The following DNMT3L variants were observed in gnomAD, a reference collection of about 807,000 sequenced individuals.
DNMT3L encodes the protein DNA (cytosine-5)-methyltransferase 3-like.
In DNMT3L, 33 loss-of-function variants were observed where a neutral mutation model predicts 36.2. That is an observed-to-expected ratio of 0.91 (90% CI 0.69 to 1.22). The LOEUF (loss-of-function observed/expected upper bound fraction) is 1.22, where lower values mean the gene tolerates loss of function less well. Among genes scored for constraint, DNMT3L ranks in the 50% most tolerant of loss-of-function variants. The probability of loss-of-function intolerance (pLI) is 0.00; values close to 1 mark genes in which losing one functional copy is unlikely to be tolerated. For missense variants in DNMT3L, 310 were observed against 303.1 expected (o/e 1.02, Z -0.17); for synonymous variants, 117 against 121.7 (o/e 0.96, Z 0.26).
In DNMT3L at chr21:44,254,878, C is replaced by T. The variant is rs539089546; in HGVS notation, c.605-173G>A. Among the ~76,000 whole-genome samples the T allele has an allele frequency of 6.6e-5, 10 of 152,222 alleles. 2 individuals are homozygous for T. The highest frequency in any genetic ancestry group is 6.8e-3 in the Middle Eastern group (2 of 294). ...TCTCCCTCTGTCGCCCAGGCTGGAG[C>T]GCAGTGGCGTGATCTTGGCTCACTG... On this transcript the variant is annotated intron_variant, in intron 7 of 11. Transcript: ENST00000628202.
chr21:44,255,505 C>CAA (rs375122043), intron 7 of DNMT3L, among the ~76,000 whole-genome samples: 71,685 of 145,648 alleles, frequency 0.49, 18,853 homozygotes, highest in African/African-American at 0.69. Flanking sequence ...GACTCCGCCT[C>CAA]AAAAAAAAAA....
chr21:44,257,085 AAC>A (rs1276556042), intron 6 of DNMT3L, among the ~76,000 whole-genome samples: 1 of 152,300 alleles, frequency 6.6e-6, no homozygotes, highest in Non-Finnish European at 1.5e-5. Flanking sequence ...TGCAAATTAA[AAC>A]AGACTGGAGG....
intron 8 of DNMT3L, 68 bp downstream of exon 8, chr21:44,254,549 C>A: frequency 1.3e-6 from 2 of 1,560,158 alleles, no homozygotes; most frequent in Admixed American, 1.8e-5. Context: ...TCATCCTTGG[C>A]ATTTCCTCTG....
chr21:44,254,609 G>C lies in DNMT3L; in HGVS notation c.693+8C>G. 1 of 1,613,560 alleles carries C rather than the reference G, an allele frequency of 6.2e-7. No individual in the cohort carries two copies. Among genetic ancestry groups the C allele is most frequent in the Non-Finnish European group, 8.5e-7 (1 of 1,179,754 alleles). On this transcript the variant is annotated splice_region_variant and intron_variant, in intron 8 of 11. Coordinates refer to ENST00000628202, the MANE Select transcript of DNMT3L (RefSeq NM_175867.3). ...CTACAGTGTCTGAGAGTTCACGGCGGTACTCACATCCTTCCTCACTGTGTC... is the reference window on the plus strand; with the variant it reads ...CTACAGTGTCTGAGAGTTCACGGCGCTACTCACATCCTTCCTCACTGTGTC...
At chr21:44,253,693 T>A (rs2040236340) in intron 8 of DNMT3L, among the ~76,000 whole-genome samples, 1 of 152,138 alleles carries the variant, frequency 6.6e-6, no homozygotes, top group South Asian at 2.1e-4. Context: ...CACTCTAGCC[T>A]GGGCAACAGA....
At chr21:44,253,625 A>C (rs1200279440) in intron 8 of DNMT3L, among the ~76,000 whole-genome samples, 1 of 152,198 alleles carries the variant, frequency 6.6e-6, no homozygotes, top group Non-Finnish European at 1.5e-5. Context: ...AGGCTGAGGC[A>C]GGAGACTCGC....
intron 2 of DNMT3L, 134 bp from the exon 3 acceptor site, chr21:44,260,973 C>T (rs2040312281): frequency 1.4e-6 from 2 of 1,448,034 alleles, no homozygotes; most frequent in Admixed American, 1.7e-5. Flanking sequence ...CCCGCCCTCA[C>T]ACCTTATCTT....
intron 8 of DNMT3L, among the ~76,000 whole-genome samples, chr21:44,254,077 G>T (rs2040239045): frequency 6.6e-6 from 1 of 152,202 alleles, no homozygotes; most frequent in African/African-American, 2.4e-5. Context: ...TCTCACAGTG[G>T]CATGGGAAGG....
At chr21:44,255,378 G>A (rs1819176582) in intron 7 of DNMT3L, among the ~76,000 whole-genome samples, 1 of 151,960 alleles carries the variant, frequency 6.6e-6, no homozygotes, top group African/African-American at 2.4e-5. Context: ...AAAATTAGCT[G>A]GGCGTGGTGG....
At chr21:44,256,699 C>A (rs746753727) in intron 6 of DNMT3L, among the ~76,000 whole-genome samples, 3 of 152,028 alleles carry the variant, frequency 2.0e-5, no homozygotes, top group Non-Finnish European at 4.4e-5. Flanking sequence ...CCAGAGATGC[C>A]GGGGAGAGGT....
intron 8 of DNMT3L, 113 bp downstream of exon 8, chr21:44,254,504 T>G: frequency 8.2e-7 from 1 of 1,215,698 alleles, no homozygotes; most frequent in Non-Finnish European, 1.2e-6. Flanking sequence ...TGTTCAGGAC[T>G]CCTCCCAGCC....
In DNMT3L at chr21:44,256,146, G is replaced by A. The variant is rs2040257349; in HGVS notation, c.525C>T (p.Pro175=). ...CAGGCACGGTTTCGAACATCTCAAG[G>A]GGATTCTCCTATTTATTAAAAAACC... ...KAFYDRESEN[P]LEMFETVPVW... Residue 175 remains proline, a synonymous_variant, in exon 7 of 12, where the codon CCC becomes CCT. Coordinates refer to ENST00000628202, the MANE Select transcript of DNMT3L (RefSeq NM_175867.3). The A allele has an allele frequency of 1.2e-6, 2 of 1,613,840 alleles. No individual in the cohort carries two copies. Among genetic ancestry groups the A allele is most frequent in the African/African-American group, 2.7e-5 (2 of 75,026 alleles).
intron 2 of DNMT3L, 79 bp downstream of exon 2, chr21:44,261,075 A>C: frequency 1.3e-6 from 2 of 1,547,882 alleles, no homozygotes; most frequent in Non-Finnish European, 8.9e-7. Flanking sequence ...AATACTCCAG[A>C]AGCCTGGAAC....
chr21:44,261,418 A>G (rs1181412777), intron 1 of DNMT3L, among the ~76,000 whole-genome samples, 152 bp from the exon 2 acceptor site: 1 of 152,140 alleles, frequency 6.6e-6, no homozygotes, highest in African/African-American at 2.4e-5. Flanking sequence ...TGCCCAACCC[A>G]GGGATGAGGG....
At position 44,258,213 on chromosome 21, in the gene DNMT3L, C is replaced by A. The variant is rs1402446165; in HGVS notation, c.516+310G>T. ...CCCAAAACGGCCCACACCTGGCCAGCAGAAGCCCAGGCACTTGCTCCTGAG... is the reference window on the plus strand; with the variant it reads ...CCCAAAACGGCCCACACCTGGCCAGAAGAAGCCCAGGCACTTGCTCCTGAG... On this transcript the variant is annotated intron_variant, in intron 6 of 11. Transcript: ENST00000628202. This position sits in a 1 kb window ranked among gnomAD's most constrained non-coding sequence, Gnocchi z 6.2. Among the ~76,000 whole-genome samples, 1 of 152,124 alleles carries A rather than the reference C, an allele frequency of 6.6e-6. No individual in the cohort carries two copies. The highest frequency in any genetic ancestry group is 1.5e-5 in the Non-Finnish European group (1 of 68,012).
intron 6 of DNMT3L, among the ~76,000 whole-genome samples, chr21:44,256,492 T>C (rs1223353596): frequency 1.3e-5 from 2 of 149,976 alleles, no homozygotes; most frequent in Non-Finnish European, 1.5e-5. Context: ...GGTGCAATCT[T>C]GGCTCACTGC....
In DNMT3L at chr21:44,258,476, G is replaced by A; in HGVS notation, c.516+47C>T. On this transcript the variant is annotated intron_variant, in intron 6 of 11. Coordinates refer to ENST00000628202, the MANE Select transcript of DNMT3L (RefSeq NM_175867.3). The surrounding 1 kb of genome is among the most constrained non-coding windows in gnomAD (Gnocchi z 6.2). ...AGCGGGAACCGAGGGAAGGCCGTAA[G>A]TCAGGGCCTGCTGCTGCCGGGTGCT... The A allele has an allele frequency of 6.6e-7, 1 of 1,506,706 alleles. No individual in the cohort carries two copies. The allele number at this position is 1,506,706 out of a possible 1,614,324, so 93.3% of individuals were successfully genotyped here.
rs192753176 is a variant in DNMT3L at position 44,255,240 on chromosome 21, G to T, written c.605-535C>A. ...TATTGATTTAAGAATGTCAAGCACG[G>T]CCGGGCACAGACGCTCAAGCCTGTA... On this transcript the variant is annotated intron_variant, in intron 7 of 11. Coordinates refer to ENST00000628202, the MANE Select transcript of DNMT3L (RefSeq NM_175867.3). Among the ~76,000 whole-genome samples the T allele has an allele frequency of 1.9e-3, 290 of 152,238 alleles. 2 individuals carry two copies. The highest frequency in any genetic ancestry group is 0.012 in the South Asian group (58 of 4,816).
At chr21:44,255,560 C>T (rs542835884) in intron 7 of DNMT3L, among the ~76,000 whole-genome samples, 94 of 151,264 alleles carry the variant, frequency 6.2e-4, no homozygotes, top group African/African-American at 2.1e-3. Flanking sequence ...TTCTGGGATG[C>T]GATGTCACCT....
Sources: allele counts gnomAD v4.1 joint callset (sites outside exome capture counted in the v4.1 genomes callset), GRCh38; gene constraint gnomAD v4.1.1; non-coding constraint Gnocchi (gnomAD v3.1); transcripts MANE v1.5; gene names NCBI Gene and HGNC (gene_info 2026-07-23, HGNC 2026-07-21).